Variants in MKI67 observed in about 807,000 individuals in gnomAD.
MKI67 encodes proliferation marker protein Ki-67.
Under a neutral mutation model 233.5 loss-of-function variants are expected in MKI67, and 152 were observed. The observed-to-expected ratio is 0.65, with a 90% CI of 0.57 to 0.74. MKI67 has a LOEUF of 0.74. Ranked by LOEUF, MKI67 falls within the 30% of genes least tolerant of loss-of-function variation. The probability of loss-of-function intolerance (pLI) is 0.00; values close to 1 mark genes in which losing one functional copy is unlikely to be tolerated. For synonymous variants in MKI67, 1,465 were observed against 1,418.5 expected, an observed-to-expected ratio of 1.03 and a Z score of -0.74; for missense variants, 3,940 against 3,885.2, an observed-to-expected ratio of 1.01 and a Z score of -0.37.
rs1166815231 is a variant in MKI67 at position 128,103,060 on chromosome 10, G to GT, written c.8779dup (p.Thr2927AsnfsTer6). 1 of 1,614,130 alleles carries GT rather than the reference G, an allele frequency of 6.2e-7. No individual in the cohort carries two copies. Among genetic ancestry groups the GT allele is most frequent in the African/African-American group, 1.3e-5 (1 of 74,942 alleles). ...TGCCAGTTCCTCAGTGTGGCCTGGT[G>GT]TTTGAGAGAGCTCTTGGAAGCTGGC... On this transcript the variant is annotated frameshift_variant, in exon 13 of 15. Transcript: ENST00000368654. LOFTEE classifies it high-confidence loss of function.
chr10:128,107,690 G>A lies in MKI67; in HGVS notation c.4150C>T (p.Pro1384Ser). Reference sequence around the variant, plus strand: ...TTGGGCTGCCTTCTTGTGCTTGTTGGGGTGTCTGCTGATTCTGGTGGAGAA... The same window carrying A: ...TTGGGCTGCCTTCTTGTGCTTGTTGAGGTGTCTGCTGATTCTGGTGGAGAA... ...ESSPPESADT[P>S]TSTRRQPKTP... Residue 1384 changes from proline (P) to serine (S), a missense_variant, in exon 13 of 15, where the codon CCA becomes TCA. Coordinates refer to ENST00000368654, the MANE Select transcript of MKI67 (RefSeq NM_002417.5). 1 of 1,613,838 alleles carries A rather than the reference G, an allele frequency of 6.2e-7. No homozygotes were observed. Among genetic ancestry groups the A allele is most frequent in the Non-Finnish European group, 8.5e-7 (1 of 1,180,006 alleles).
chr10:128,115,519 C>A lies in MKI67; in HGVS notation c.889G>T (p.Gly297Cys), dbSNP rs1423135795. Residue 297 changes from glycine to cysteine, a missense_variant, in exon 7 of 15, where the codon GGT (glycine) becomes TGT (cysteine). Coordinates refer to ENST00000368654, the MANE Select transcript of MKI67 (RefSeq NM_002417.5). ...LVSRKSRPKS[G>C]GSGHAVAEPA... ...TCTGCCACAGCGTGGCCGCTCCCACCAGATTTTGGTCTTGACTTACGCGAG... is the reference window on the plus strand; with the variant it reads ...TCTGCCACAGCGTGGCCGCTCCCACAAGATTTTGGTCTTGACTTACGCGAG... 3 of 1,614,224 alleles carry A rather than the reference C, an allele frequency of 1.9e-6. No homozygotes were observed. Among genetic ancestry groups the A allele is most frequent in the South Asian group, 2.2e-5 (2 of 91,080 alleles).
rs763915971 is a variant in MKI67, at chr10:128,112,474, C to G, written c.1657-29G>C. The G allele has an allele frequency of 3.1e-6, 5 of 1,599,796 alleles. No individual in the cohort carries two copies. The Admixed American group carries it at 5.1e-5, about 16-fold the overall frequency. On this transcript the variant is annotated intron_variant, in intron 8 of 14. Coordinates refer to ENST00000368654, the MANE Select transcript of MKI67 (RefSeq NM_002417.5). Reference sequence around the variant, plus strand: ...ACAAGACAAAATTGTTTACAAGAAGCCTTAACAAGGATCTAACATCTCTGG... The same window carrying G: ...ACAAGACAAAATTGTTTACAAGAAGGCTTAACAAGGATCTAACATCTCTGG...
chr10:128,117,379 A>G (rs1159512952), intron 5 of MKI67, among the ~76,000 whole-genome samples: 7 of 152,268 alleles, frequency 4.6e-5, no homozygotes, highest in African/African-American at 7.2e-5. Flanking sequence ...TGGTACAGGC[A>G]CACATGGTAT....
chr10:128,125,731 C>G lies in MKI67; in HGVS notation c.-64G>C, dbSNP rs1853042221. ...GCCAGGTATAATCCGTAGGGGAAGGCCAGAAGCAAATTTACAACTCTTCCA... is the reference window on the plus strand; with the variant it reads ...GCCAGGTATAATCCGTAGGGGAAGGGCAGAAGCAAATTTACAACTCTTCCA... On this transcript the variant is annotated 5_prime_UTR_variant, in exon 2 of 15. Transcript: ENST00000368654. The surrounding 1 kb of genome is among the most constrained non-coding windows in gnomAD (Gnocchi z 5.3). 11 of 1,389,328 alleles carry G rather than the reference C, an allele frequency of 7.9e-6. No individual in the cohort carries two copies. The allele number at this position is 1,389,328 out of a possible 1,614,324, so 86.1% of individuals were successfully genotyped here. A position where few individuals can be genotyped will look rare whatever the true frequency, so the allele number is the denominator to read the frequency against.
Position 128,098,721 on chromosome 10 carries a change from GAC to G in MKI67, c.*467_*468del, listed in dbSNP as rs1472406408. On this transcript the variant is annotated 3_prime_UTR_variant, in exon 15 of 15. Coordinates refer to ENST00000368654, the MANE Select transcript of MKI67 (RefSeq NM_002417.5). ...ACCAAATGCCCCCGGCCATTGGAAA[GAC>G]AGATCTTGTAAGCTCCATTCATCCG... 6.5e-6 allele frequency: 1 copy of G among 152,814 alleles called. No homozygotes were observed. Among genetic ancestry groups the G allele is most frequent in the East Asian group, 1.9e-4 (1 of 5,200 alleles). 9.5% of individuals were successfully genotyped at this position (152,814 alleles called of 1,614,324 possible).
At chr10:128,102,547 A>G (rs764481690) in intron 13 of MKI67, 32 bp downstream of exon 13, 48 of 1,600,936 alleles carry the variant, frequency 3.0e-5, no homozygotes, top group Non-Finnish European at 4.1e-5. Context: ...ATCCAAGACG[A>G]TATTGAGTGA....
In MKI67 at chr10:128,108,850, C is replaced by T. The variant is rs1264712645; in HGVS notation, c.2990G>A (p.Ser997Asn). Residue 997 changes from serine (S) to asparagine (N), a missense_variant, in exon 13 of 15, where the codon AGT becomes AAT. Coordinates refer to ENST00000368654, the MANE Select transcript of MKI67 (RefSeq NM_002417.5). Reference protein sequence around the residue: ...QTQDHAKAPKSEKGKITKMPC... With the variant: ...QTQDHAKAPKNEKGKITKMPC... Reference sequence around the variant, plus strand: ...CATTTTAGTGATTTTGCCTTTCTCACTCTTTGGTGCCTTGGCATGATCTTG... The same window carrying T: ...CATTTTAGTGATTTTGCCTTTCTCATTCTTTGGTGCCTTGGCATGATCTTG... 3 of 1,614,170 alleles carry T rather than the reference C, an allele frequency of 1.9e-6. No individual in the cohort carries two copies. The highest frequency in any genetic ancestry group is 1.1e-5 in the South Asian group (1 of 91,078).
intron 2 of MKI67, among the ~76,000 whole-genome samples, chr10:128,124,212 CT>C (rs1425603385): frequency 6.6e-6 from 1 of 152,186 alleles, no homozygotes; most frequent in Non-Finnish European, 1.5e-5. Context: ...GAAAAGCTTC[CT>C]TAACCCCAAT....
At chr10:128,119,409 G>T in intron 4 of MKI67, 90 bp from the exon 5 acceptor site, 2 of 851,456 alleles carry the variant, frequency 2.3e-6, no homozygotes, top group South Asian at 1.5e-5. Flanking sequence ...AAGGATCAAC[G>T]AACAAACTTT....
At position 128,103,253 on chromosome 10, in the gene MKI67, G is replaced by T; in HGVS notation, c.8587C>A (p.Gln2863Lys). ...EELLAVGKLT[Q>K]TSGETTHTDK... ...GTGTGCGTGGTCTCCCCTGAGGTTT[G>T]TGTGAGCTTGCCAACTGCTAACAGC... Residue 2863 changes from glutamine (Q) to lysine (K), a missense_variant, in exon 13 of 15, where the codon CAA becomes AAA. Transcript: ENST00000368654. 2 of 1,614,152 alleles carry T rather than the reference G, an allele frequency of 1.2e-6. No individual in the cohort carries two copies. Among genetic ancestry groups the T allele is most frequent in the Non-Finnish European group, 1.7e-6 (2 of 1,180,024 alleles).
chr10:128,111,857 T>C (rs777411249), intron 10 of MKI67, 41 bp from the exon 11 acceptor site: 1 of 1,609,752 alleles, frequency 6.2e-7, no homozygotes, highest in South Asian at 1.1e-5. Context: ...CATTAAAGCA[T>C]AAATCCACAC....
rs1852219496 is a variant in MKI67 at position 128,096,714 on chromosome 10, G to A, written c.*2476C>T. The A allele has an allele frequency of 1.3e-5, 2 of 152,190 alleles. No homozygotes were observed. Among genetic ancestry groups the A allele is most frequent in the African/African-American group, 4.8e-5 (2 of 41,420 alleles). 9.4% of individuals were successfully genotyped at this position (152,190 alleles called of 1,614,324 possible). On this transcript the variant is annotated 3_prime_UTR_variant, in exon 15 of 15. Transcript: ENST00000368654. ...GGACATCTCCTGTGGCTGGTCACTG[G>A]GATAGAGTAACCAGGAAATGCAGTC...
chr10:128,111,606 G>C (rs1355764937), intron 11 of MKI67, 39 bp downstream of exon 11: 5 of 1,503,142 alleles, frequency 3.3e-6, no homozygotes, highest in Non-Finnish European at 4.5e-6. Flanking sequence ...AAAAACAGTA[G>C]AGTCAAAAGA....
Position 128,102,693 on chromosome 10 carries a change from C to T in MKI67, c.9147G>A (p.Lys3049=). The T allele has an allele frequency of 1.2e-6, 2 of 1,614,242 alleles. No homozygotes were observed. The highest frequency in any genetic ancestry group is 1.7e-6 in the Non-Finnish European group (2 of 1,180,040). ...GKSSEPVVIM[K]RSLRTSAKRI... ...TTTTTGCAGAAGTCCTCAAACTTCT[C>T]TTCATGATGACCACGGGTTCGGATG... The change falls in exon 13 of 15, where the codon AAG becomes AAA. Residue 3049 remains lysine (K), a synonymous_variant. Transcript: ENST00000368654.
chr10:128,110,956 C>A (rs1406905352), intron 11 of MKI67, among the ~76,000 whole-genome samples: 1 of 152,138 alleles, frequency 6.6e-6, no homozygotes, highest in East Asian at 1.9e-4. Context: ...ATAACACGTA[C>A]CCACATTTTA....
intron 2 of MKI67, among the ~76,000 whole-genome samples, chr10:128,124,647 T>G (rs1169013295): frequency 6.6e-6 from 1 of 152,138 alleles, no homozygotes; most frequent in Non-Finnish European, 1.5e-5. Context: ...CAAGACAGTC[T>G]TTGCCTTTGG....
intron 12 of MKI67, 42 bp downstream of exon 12, chr10:128,110,336 C>T (rs375886183): frequency 2.0e-6 from 3 of 1,471,008 alleles, no homozygotes; most frequent in Admixed American, 1.9e-5. Context: ...CTGTATGTTC[C>T]TATCCCAAAA....
chr10:128,122,915 C>T lies in MKI67; in HGVS notation c.253G>A (p.Gly85Arg), dbSNP rs560668259. 1.9e-6 allele frequency: 3 copies of T among 1,594,722 alleles called. No individual in the cohort carries two copies. Among genetic ancestry groups the T allele is most frequent in the African/African-American group, 1.3e-5 (1 of 74,488 alleles). Reference sequence around the variant, plus strand: ...CGATCAATAATAGTTATTACATCTCCATGTTTTAGCCGTACAGGCTCATCA... The same window carrying T: ...CGATCAATAATAGTTATTACATCTCTATGTTTTAGCCGTACAGGCTCATCA... Reference protein sequence around the residue: ...VIDEPVRLKHGDVITIIDRSF... With the variant: ...VIDEPVRLKHRDVITIIDRSF... Residue 85 changes from glycine (G) to arginine (R), a missense_variant, in exon 4 of 15, where the codon GGA becomes AGA. Coordinates refer to ENST00000368654, the MANE Select transcript of MKI67 (RefSeq NM_002417.5).
Sources: allele counts gnomAD v4.1 joint callset (sites outside exome capture counted in the v4.1 genomes callset), GRCh38; gene constraint gnomAD v4.1.1; non-coding constraint Gnocchi (gnomAD v3.1); transcripts MANE v1.5; gene names NCBI Gene and HGNC (gene_info 2026-07-23, HGNC 2026-07-21).